TKT: variants seen among roughly 807,000 people sequenced by gnomAD.
The protein encoded by TKT is epididymis luminal protein 107.
Under a neutral mutation model 63.9 loss-of-function variants are expected in TKT, and 47 were observed. The ratio of observed to expected loss-of-function variants is 0.74; its 90% confidence interval spans 0.58 to 0.94. TKT has a LOEUF of 0.94. Ranked by LOEUF, TKT falls within the 40% of genes least tolerant of loss-of-function variation. The probability of loss-of-function intolerance (pLI) is 0.00; values close to 1 mark genes in which losing one functional copy is unlikely to be tolerated. For missense variants in TKT, 721 were observed against 846.2 expected (o/e 0.85, Z 1.84); for synonymous variants, 338 against 334.1 (o/e 1.01, Z -0.13).
At chr3:53,246,663 A>C (rs546363665) in intron 1 of TKT, among the ~76,000 whole-genome samples, 2 of 151,508 alleles carry the variant, frequency 1.3e-5, no homozygotes, top group Non-Finnish European at 2.9e-5. Flanking sequence ...GACCAGCTTG[A>C]CCAACACGGA....
chr3:53,254,560 TTGTC>T (rs1182122578), intron 1 of TKT, among the ~76,000 whole-genome samples: 2 of 152,364 alleles, frequency 1.3e-5, no homozygotes, highest in South Asian at 2.1e-4. Flanking sequence ...AGCCAGAATC[TTGTC>T]TGTCTGAAAC....
chr3:53,229,084 C>T lies in TKT; in HGVS notation c.1318G>A (p.Val440Ile). Residue 440 changes from valine to isoleucine, a missense_variant, in exon 10 of 14, where the codon GTC (valine) becomes ATC (isoleucine). By Grantham distance (29) the Val-to-Ile change is conservative. Coordinates refer to ENST00000462138, the MANE Select transcript of TKT (RefSeq NM_001064.4). Reference protein sequence around the residue: ...ALEDLAMFRSVPTSTVFYPSD... With the variant: ...ALEDLAMFRSIPTSTVFYPSD... ...GGGTAAAAGACAGTTGATGTGGGGA[C>T]TGACCGAAACATAGCCAGATCTTCT... 6.2e-7 allele frequency: 1 copy of T among 1,614,166 alleles called. No individual in the cohort carries two copies. The highest frequency in any genetic ancestry group is 8.5e-7 in the Non-Finnish European group (1 of 1,180,018).
intron 3 of TKT, among the ~76,000 whole-genome samples, chr3:53,240,874 G>C (rs1272990453): frequency 6.6e-6 from 1 of 152,186 alleles, no homozygotes; most frequent in Non-Finnish European, 1.5e-5. Context: ...AGTGCAGAAG[G>C]GTAGCTTGGG....
intron 1 of TKT, chr3:53,243,623 C>A: frequency 2.2e-6 from 1 of 456,642 alleles, no homozygotes; most frequent in South Asian, 1.5e-5. Flanking sequence ...GACACTACAC[C>A]TGAAAGAGGG....
In TKT at chr3:53,228,514, G is replaced by A. The variant is rs543859131; in HGVS notation, c.1396-155C>T. 1.1e-4 allele frequency among the ~76,000 whole-genome samples: 16 copies of A among 152,220 alleles called. No individual in the cohort carries two copies. In the South Asian group the frequency reaches 1.9e-3, roughly 18 times the overall value. ...AAAAGGGCCTTGCTTGCCCTCTGCC[G>A]CCCGCACCCCACTTGAACACTCTGA... On this transcript the variant is annotated intron_variant, in intron 10 of 13. Coordinates refer to ENST00000462138, the MANE Select transcript of TKT (RefSeq NM_001064.4).
intron 1 of TKT, among the ~76,000 whole-genome samples, chr3:53,253,318 CTTTCT>C (rs1404651284): frequency 3.3e-5 from 5 of 151,922 alleles, no homozygotes; most frequent in Admixed American, 6.6e-5. Context: ...CTCTCTCTTT[CTTTCT>C]TTTGAGACAC....
intron 12 of TKT, 127 bp from the exon 13 acceptor site, chr3:53,227,005 G>T: frequency 8.3e-7 from 1 of 1,211,378 alleles, no homozygotes; most frequent in Non-Finnish European, 1.1e-6. Flanking sequence ...GCCTGTCCCT[G>T]TCCCAGGGAG....
rs1705303019 is a variant in TKT at position 53,242,060 on chromosome 3, T to G, written c.225+65A>C. 4.7e-6 allele frequency: 7 copies of G among 1,490,778 alleles called. No homozygotes were observed. In the African/African-American group the frequency reaches 5.5e-5, roughly 12 times the overall value. The allele number at this position is 1,490,778 out of a possible 1,614,324, so 92.3% of individuals were successfully genotyped here. A position where few individuals can be genotyped will look rare whatever the true frequency, so the allele number is the denominator to read the frequency against. On this transcript the variant is annotated intron_variant, in intron 2 of 13. Transcript: ENST00000462138. ...GGTCTCCTCAAAGACCACTCACCAT[T>G]CCAGGGCCCGTGTGACCCTAGTCCC...
chr3:53,243,793 T>C (rs1213585832), intron 1 of TKT, among the ~76,000 whole-genome samples: 2 of 152,090 alleles, frequency 1.3e-5, no homozygotes, highest in Non-Finnish European at 2.9e-5. Flanking sequence ...CCTTCCCACC[T>C]CCAAGGGCAG....
At position 53,255,988 on chromosome 3, in the gene TKT, AGCGGCTGCTCCCGCGGCGACAG is replaced by A. The variant is rs782016822; in HGVS notation, c.-68_-47del. ...GGCGCACACGCGGACACACAGAGAT[AGCGGCTGCTCCCGCGGCGACAG>A]GCGGCTGCCGAGGCCGGGCGCGGGG... On this transcript the variant is annotated 5_prime_UTR_variant, in exon 1 of 14. Coordinates refer to ENST00000462138, the MANE Select transcript of TKT (RefSeq NM_001064.4). 16 of 1,341,798 alleles carry A rather than the reference AGCGGCTGCTCCCGCGGCGACAG, an allele frequency of 1.2e-5. No individual in the cohort carries two copies. Among genetic ancestry groups the A allele is most frequent in the South Asian group, 3.2e-5 (2 of 63,154 alleles). The allele number at this position is 1,341,798 out of a possible 1,614,324, so 83.1% of individuals were successfully genotyped here. A position where few individuals can be genotyped will look rare whatever the true frequency, so the allele number is the denominator to read the frequency against.
At chr3:53,240,373 A>C in intron 3 of TKT, 25 bp from the exon 4 acceptor site, 2 of 1,600,816 alleles carry the variant, frequency 1.2e-6, no homozygotes, top group Non-Finnish European at 1.7e-6. Context: ...GGCCACCGTT[A>C]ATCTGAGAGG....
At chr3:53,253,429 C>T (rs1339135502) in intron 1 of TKT, among the ~76,000 whole-genome samples, 1 of 152,180 alleles carries the variant, frequency 6.6e-6, no homozygotes, top group African/African-American at 2.4e-5. Context: ...GCCTCAGCCT[C>T]CCATGTAGCT....
At chr3:53,246,192 C>T (rs1193259491) in intron 1 of TKT, among the ~76,000 whole-genome samples, 1 of 152,034 alleles carries the variant, frequency 6.6e-6, no homozygotes, top group Non-Finnish European at 1.5e-5. Flanking sequence ...CACTTGAACC[C>T]AGGAGGCTGA....
At chr3:53,226,159 A>C in intron 13 of TKT, 2 of 447,320 alleles carry the variant, frequency 4.5e-6, no homozygotes, top group Non-Finnish European at 4.0e-6. Context: ...AGCTCAAGAA[A>C]TCCGCTGTCC....
Position 53,224,848 on chromosome 3 carries a change from C to T in TKT, c.*908G>A, listed in dbSNP as rs1293093287. The T allele has an allele frequency of 6.6e-6, 1 of 152,444 alleles. No homozygotes were observed. The highest frequency in any genetic ancestry group is 1.5e-5 in the Non-Finnish European group (1 of 68,206). The allele number at this position is 152,444 out of a possible 1,614,324, so 9.4% of individuals were successfully genotyped here. On this transcript the variant is annotated 3_prime_UTR_variant, in exon 14 of 14. Coordinates refer to ENST00000462138, the MANE Select transcript of TKT (RefSeq NM_001064.4). ...TGGCCGGGGCACCCAGCCCTCCTCC[C>T]CCAGCACTAGTTTGTTCTTGGCCAG...
intron 1 of TKT, among the ~76,000 whole-genome samples, chr3:53,244,741 G>C (rs187689907): frequency 6.6e-6 from 1 of 152,086 alleles, no homozygotes; most frequent in South Asian, 2.1e-4. Context: ...GCAGGTGGAC[G>C]CCCCATCCCG....
intron 4 of TKT, among the ~76,000 whole-genome samples, chr3:53,239,492 A>G (rs983998273): frequency 6.6e-6 from 1 of 152,010 alleles, no homozygotes; most frequent in Admixed American, 6.6e-5. Flanking sequence ...TATTTTTTGT[A>G]GAGAGAGTCT....
At chr3:53,227,568 G>C (rs1553675815) in intron 12 of TKT, 1 of 160,444 alleles carries the variant, frequency 6.2e-6, no homozygotes, top group Non-Finnish European at 1.4e-5. Flanking sequence ...AGAGGCCAAT[G>C]CCTGTCTCCC....
chr3:53,246,946 C>T (rs955886946), intron 1 of TKT, among the ~76,000 whole-genome samples: 7 of 151,948 alleles, frequency 4.6e-5, no homozygotes, highest in Non-Finnish European at 8.8e-5. Context: ...GATGGAGGGA[C>T]CCACTGTAGT....
Sources: gnomAD v4.1 joint callset for allele counts (sites outside exome capture counted in the v4.1 genomes callset) on GRCh38, gnomAD v4.1.1 for gene constraint, MANE v1.5 for transcripts, NCBI Gene and HGNC (gene_info 2026-07-23, HGNC 2026-07-21) for gene names.